WDPCP: variants seen among roughly 807,000 people sequenced by gnomAD.
The protein encoded by WDPCP is WD repeat containing planar cell polarity effector.
In WDPCP, 71 loss-of-function variants were observed where a neutral mutation model predicts 93.1. The ratio of observed to expected loss-of-function variants is 0.76; its 90% confidence interval spans 0.63 to 0.93. The LOEUF is 0.93. Ranked by LOEUF, WDPCP falls within the 40% of genes least tolerant of loss-of-function variation. The probability of loss-of-function intolerance (pLI) is 0.00; values close to 1 mark genes in which losing one functional copy is unlikely to be tolerated. For missense variants in WDPCP, 844 were observed against 887.4 expected, an observed-to-expected ratio of 0.95 and a Z score of 0.62; for synonymous variants, 315 against 315.0, an observed-to-expected ratio of 1.00 and a Z score of 0.00.
intron 14 of WDPCP, among the ~76,000 whole-genome samples, chr2:63,179,666 A>G (rs1202046308): frequency 6.6e-6 from 1 of 152,032 alleles, no homozygotes; most frequent in East Asian, 1.9e-4. Context: ...ATTCCTTTAT[A>G]GCAATCCAAG....
intron 2 of WDPCP, among the ~76,000 whole-genome samples, chr2:63,745,449 A>C (rs1401682898): frequency 6.6e-6 from 1 of 152,206 alleles, no homozygotes; most frequent in Admixed American, 6.5e-5. Flanking sequence ...TATCATTATT[A>C]AATTTAAAAA....
At chr2:63,470,436 C>T (rs887339574) in intron 6 of WDPCP, among the ~76,000 whole-genome samples, 1 of 152,138 alleles carries the variant, frequency 6.6e-6, no homozygotes, top group African/African-American at 2.4e-5. Flanking sequence ...CAACTCCATT[C>T]TTCCAATTCC....
Position 63,757,637 on chromosome 2 carries a change from T to C in WDPCP, n.308+55985A>G, listed in dbSNP as rs571957641. On this transcript the variant is annotated intron_variant and non_coding_transcript_variant, in intron 2 of 4. Coordinates refer to the WDPCP transcript ENST00000467687. Reference sequence around the variant, plus strand: ...AAAAGGCATGTAGCCATTAGAGCTATTCTAAATATTCTAGTTCTTCTGGGG... The same window carrying C: ...AAAAGGCATGTAGCCATTAGAGCTACTCTAAATATTCTAGTTCTTCTGGGG... Among the ~76,000 whole-genome samples, 250 of 152,330 alleles carry C rather than the reference T, an allele frequency of 1.6e-3. 1 individual carries two copies. Among genetic ancestry groups the C allele is most frequent in the African/African-American group, 5.8e-3 (242 of 41,566 alleles).
intron 2 of WDPCP, among the ~76,000 whole-genome samples, chr2:63,492,281 A>G (rs1700928704): frequency 6.6e-6 from 1 of 152,148 alleles, no homozygotes; most frequent in African/African-American, 2.4e-5. Flanking sequence ...AAGCATTGTT[A>G]AAACACACAT....
chr2:63,640,585 C>T (rs911514538), intron 3 of WDPCP, among the ~76,000 whole-genome samples: 2 of 152,178 alleles, frequency 1.3e-5, no homozygotes, highest in African/African-American at 4.8e-5. Context: ...CTTAGATGTC[C>T]TTCACCAGGT....
intron 13 of WDPCP, among the ~76,000 whole-genome samples, chr2:63,276,372 A>G (rs1053865052): frequency 6.6e-6 from 1 of 152,208 alleles, no homozygotes; most frequent in African/African-American, 2.4e-5. Context: ...ATCCAAACCA[A>G]GATTAAATCT....
chr2:63,546,707 C>A (rs1007207427), intron 1 of WDPCP, among the ~76,000 whole-genome samples: 10 of 152,026 alleles, frequency 6.6e-5, no homozygotes, highest in African/African-American at 2.4e-4. Context: ...CATTCCAGAG[C>A]CCAAAGCCTT....
intron 17 of WDPCP, among the ~76,000 whole-genome samples, chr2:63,140,343 G>A (rs779866301): frequency 1.3e-5 from 2 of 152,026 alleles, no homozygotes; most frequent in Non-Finnish European, 2.9e-5. Flanking sequence ...TTCTAATTTT[G>A]TGAAGAATGA....
rs556540949 is a variant in WDPCP, at chr2:63,769,714, T to A, written n.308+43908A>T. 5.7e-4 allele frequency among the ~76,000 whole-genome samples: 86 copies of A among 152,042 alleles called. 1 individual carries two copies. In the Middle Eastern group the frequency reaches 0.01, roughly 18 times the overall value. On this transcript the variant is annotated intron_variant and non_coding_transcript_variant, in intron 2 of 4. Transcript: ENST00000467687. ...GATTCCATGAAATAGTTCTTTAAAA[T>A]TTTTCATGAAACTTTCATGAAATGG...
In WDPCP at chr2:63,268,029, T is replaced by G. The variant is rs563536110; in HGVS notation, c.1813-8620A>C. Among the ~76,000 whole-genome samples the G allele has an allele frequency of 2.0e-5, 3 of 152,282 alleles. No individual in the cohort carries two copies. In the East Asian group the frequency reaches 5.8e-4, roughly 29 times the overall value. ...AGCAGATGTTGGTACTCCCATATATTTCAAGATTTTTCACAATAGCCAAGT... is the reference window on the plus strand; with the variant it reads ...AGCAGATGTTGGTACTCCCATATATGTCAAGATTTTTCACAATAGCCAAGT... On this transcript the variant is annotated intron_variant, in intron 13 of 17. Transcript: ENST00000272321.
chr2:63,614,750 C>T (rs1709655195), intron 3 of WDPCP, among the ~76,000 whole-genome samples: 1 of 152,180 alleles, frequency 6.6e-6, no homozygotes, highest in Non-Finnish European at 1.5e-5. Flanking sequence ...CATAGGAATT[C>T]TGCCCCATAC....
intron 6 of WDPCP, chr2:63,440,473 A>G (rs1697434259): frequency 6.6e-6 from 1 of 152,272 alleles, no homozygotes; most frequent in African/African-American, 2.4e-5. Context: ...ACAATTTCAC[A>G]AGGAGAAATA....
intron 14 of WDPCP, among the ~76,000 whole-genome samples, chr2:63,176,204 G>A (rs533815482): frequency 6.6e-6 from 1 of 152,070 alleles, no homozygotes; most frequent in Admixed American, 6.5e-5. Flanking sequence ...ATGCTTGTTG[G>A]TCATTTGTAT....
At chr2:63,280,774 A>G (rs1683475630) in intron 13 of WDPCP, among the ~76,000 whole-genome samples, 1 of 152,248 alleles carries the variant, frequency 6.6e-6, no homozygotes, top group African/African-American at 2.4e-5. Context: ...TTGGCTAGCT[A>G]CATGCAGAAA....
chr2:63,540,037 A>G (rs995779487), intron 1 of WDPCP, among the ~76,000 whole-genome samples: 1 of 152,232 alleles, frequency 6.6e-6, no homozygotes, highest in Non-Finnish European at 1.5e-5. Flanking sequence ...AAATTTTAAA[A>G]ACAATTACTT....
chr2:63,467,197 C>T (rs1173200198), intron 6 of WDPCP, among the ~76,000 whole-genome samples: 5 of 152,164 alleles, frequency 3.3e-5, no homozygotes, highest in African/African-American at 9.6e-5. Context: ...AAATTTTGTC[C>T]AAGGTCCAGC....
intron 2 of WDPCP, among the ~76,000 whole-genome samples, chr2:63,656,591 G>A (rs948256452): frequency 1.3e-5 from 2 of 152,224 alleles, no homozygotes; most frequent in Admixed American, 1.3e-4. Context: ...GTATAGAATG[G>A]AGACTGAGAA....
intron 9 of WDPCP, among the ~76,000 whole-genome samples, chr2:63,420,609 C>T (rs1368239080): frequency 2.6e-5 from 4 of 151,810 alleles, no homozygotes; most frequent in Non-Finnish European, 5.9e-5. Context: ...CCTTGCCTCT[C>T]TCCCCAGATG....
At chr2:63,142,874 A>G (rs916272573) in intron 17 of WDPCP, among the ~76,000 whole-genome samples, 3 of 151,102 alleles carry the variant, frequency 2.0e-5, no homozygotes, top group African/African-American at 7.3e-5. Flanking sequence ...ACACACATAC[A>G]TATATACACA....
Sources: allele counts gnomAD v4.1 joint callset (sites outside exome capture counted in the v4.1 genomes callset), GRCh38; gene constraint gnomAD v4.1.1; transcripts MANE v1.5; gene names NCBI Gene and HGNC (gene_info 2026-07-23, HGNC 2026-07-21).